The following SNTG1 variants were observed in gnomAD, a reference collection of about 807,000 sequenced individuals.
SNTG1 encodes gamma-1-syntrophin.
Under a neutral mutation model 74.7 loss-of-function variants are expected in SNTG1, and 39 were observed. The ratio of observed to expected loss-of-function variants is 0.52; its 90% CI spans 0.40 to 0.68. SNTG1 has a LOEUF of 0.68. Ranked by LOEUF, SNTG1 falls within the 30% of genes least tolerant of loss-of-function variation. The pLI, the probability that SNTG1 is intolerant of heterozygous loss-of-function variation, is 0.00. For missense variants in SNTG1, 685 were observed against 609.5 expected (o/e 1.12, Z -1.30); for synonymous variants, 254 against 217.1 (o/e 1.17, Z -1.49).
chr8:50,729,853 C>A (rs575364115), intron 17 of SNTG1, among the ~76,000 whole-genome samples: 1 of 152,100 alleles, frequency 6.6e-6, no homozygotes, highest in African/African-American at 2.4e-5. Flanking sequence ...CAGGGTCAGA[C>A]ATTTATATTT....
chr8:49,939,424 A>C (rs1031435425), intron 1 of SNTG1, among the ~76,000 whole-genome samples: 2 of 152,188 alleles, frequency 1.3e-5, no homozygotes, highest in Admixed American at 1.3e-4. Flanking sequence ...CACACCACAA[A>C]TGCTCACTTA....
chr8:50,265,754 G>C (rs2087431365), intron 2 of SNTG1, among the ~76,000 whole-genome samples: 1 of 151,880 alleles, frequency 6.6e-6, no homozygotes, highest in Non-Finnish European at 1.5e-5. Flanking sequence ...TTAATTAAAA[G>C]TTCAGAGAGA....
intron 2 of SNTG1, among the ~76,000 whole-genome samples, chr8:50,229,209 A>G (rs1356648037): frequency 6.6e-6 from 1 of 151,562 alleles, no homozygotes; most frequent in Non-Finnish European, 1.5e-5. Context: ...AAATAAACAA[A>G]AGCAAATGCA....
At chr8:50,131,599 G>A (rs1489976269) in intron 1 of SNTG1, among the ~76,000 whole-genome samples, 2 of 152,036 alleles carry the variant, frequency 1.3e-5, no homozygotes, top group Non-Finnish European at 2.9e-5. Context: ...AGATGTCTAG[G>A]TTGTTTTCAT....
intron 15 of SNTG1, among the ~76,000 whole-genome samples, chr8:50,686,535 C>T (rs2131414511): frequency 6.6e-6 from 1 of 152,050 alleles, no homozygotes. Context: ...GGTAAAGCAA[C>T]TAAAACTCAG....
At chr8:50,003,969 C>G (rs1490729783) in intron 1 of SNTG1, among the ~76,000 whole-genome samples, 1 of 152,092 alleles carries the variant, frequency 6.6e-6, no homozygotes, top group African/African-American at 2.4e-5. Flanking sequence ...TGCCAATGAT[C>G]CAAAGTTTTG....
At chr8:50,061,537 A>G (rs2891845) in intron 1 of SNTG1, among the ~76,000 whole-genome samples, 5,907 of 151,322 alleles carry the variant, frequency 0.039, 404 homozygotes, top group African/African-American at 0.13. Flanking sequence ...TATTTCTTCT[A>G]CTTGATTTGG....
intron 2 of SNTG1, among the ~76,000 whole-genome samples, chr8:50,302,093 T>C (rs1429283587): frequency 1.3e-5 from 2 of 152,148 alleles, no homozygotes; most frequent in Admixed American, 6.6e-5. Flanking sequence ...TTATTATTCT[T>C]ATTTTTTAAG....
intron 18 of SNTG1, among the ~76,000 whole-genome samples, chr8:50,778,586 G>A (rs2095648378): frequency 6.6e-6 from 1 of 151,940 alleles, no homozygotes; most frequent in South Asian, 2.1e-4. Context: ...TGAGTTCATA[G>A]TAGATTCTGG....
intron 2 of SNTG1, among the ~76,000 whole-genome samples, chr8:50,246,244 C>G (rs2086392914): frequency 6.6e-6 from 1 of 151,648 alleles, no homozygotes; most frequent in African/African-American, 2.4e-5. Context: ...GCTATGGTAA[C>G]AATGATCCAC....
At chr8:50,700,683 C>G (rs1180841475) in intron 15 of SNTG1, among the ~76,000 whole-genome samples, 2 of 149,622 alleles carry the variant, frequency 1.3e-5, no homozygotes, top group African/African-American at 5.1e-5. Flanking sequence ...ACAACTTTCC[C>G]CCTCCTACTT....
chr8:49,928,211 A>G lies in SNTG1; in HGVS notation c.-103+15980A>G, dbSNP rs145869811. Among the ~76,000 whole-genome samples, 426 of 112,278 alleles carry G rather than the reference A, an allele frequency of 3.8e-3. 3 individuals are homozygous for G. Among genetic ancestry groups the G allele is most frequent in the African/African-American group, 0.014 (405 of 28,872 alleles). The allele number at this position is 112,278 out of a possible 152,430, so 73.7% of individuals were successfully genotyped here. ...TAAAAAAGATGGACTTTGGGTGAAG[A>G]TGTGTCCATGCAGTTTTTTTGTTTC... On this transcript the variant is annotated intron_variant, in intron 1 of 18. Coordinates refer to ENST00000642720, the MANE Select transcript of SNTG1 (RefSeq NM_018967.5).
chr8:49,955,759 C>T (rs2170953), intron 1 of SNTG1, among the ~76,000 whole-genome samples: 96,839 of 152,124 alleles, frequency 0.64, 34,665 homozygotes, highest in East Asian at 0.86. Flanking sequence ...ACTGTGGTGG[C>T]CCACGCTGCA....
chr8:50,702,342 G>T (rs1455148110), intron 15 of SNTG1, among the ~76,000 whole-genome samples: 2 of 152,036 alleles, frequency 1.3e-5, no homozygotes. Flanking sequence ...GACAGAGTAG[G>T]AAAATCAATA....
In SNTG1 at chr8:50,311,885, T is replaced by C. The variant is rs368454893; in HGVS notation, c.-27-82327T>C. Among the ~76,000 whole-genome samples the C allele has an allele frequency of 1.1e-3, 173 of 152,334 alleles. 4 individuals are homozygous for C. In the South Asian group the frequency reaches 0.033, roughly 29 times the overall value. On this transcript the variant is annotated intron_variant, in intron 2 of 18. Coordinates refer to ENST00000642720, the MANE Select transcript of SNTG1 (RefSeq NM_018967.5). ...GTAACCAAGTACTAGTCTTTGCATT[T>C]AATTTCTCTAGTTCAGTTATTTGAT... is the stretch of plus-strand genomic sequence containing the variant.
intron 17 of SNTG1, among the ~76,000 whole-genome samples, chr8:50,732,149 T>C (rs117165524): frequency 0.026 from 3,945 of 152,138 alleles, 67 homozygotes; most frequent in Middle Eastern, 0.041. Context: ...TATGAGTTTT[T>C]AAAGTCTGTT....
intron 13 of SNTG1, among the ~76,000 whole-genome samples, chr8:50,653,351 G>T (rs2095160309): frequency 6.6e-6 from 1 of 152,116 alleles, no homozygotes. Flanking sequence ...AGGATCACTT[G>T]AGCTGGGGAG....
chr8:50,441,743 A>T (rs1340073491), intron 5 of SNTG1, among the ~76,000 whole-genome samples: 2 of 152,140 alleles, frequency 1.3e-5, no homozygotes, highest in Non-Finnish European at 2.9e-5. Flanking sequence ...TTGGAAAGTC[A>T]TACTTACCAT....
At chr8:50,111,071 C>G in intron 1 of SNTG1, among the ~76,000 whole-genome samples, 1 of 152,124 alleles carries the variant, frequency 6.6e-6, no homozygotes, top group East Asian at 1.9e-4. Flanking sequence ...AGGAGGAATT[C>G]ATTATGATTA....
Sources: gnomAD v4.1 joint callset for allele counts (sites outside exome capture counted in the v4.1 genomes callset) on GRCh38, gnomAD v4.1.1 for gene constraint, MANE v1.5 for transcripts, NCBI Gene and HGNC (gene_info 2026-07-23, HGNC 2026-07-21) for gene names.